PHF24: variants seen among roughly 807,000 people sequenced by gnomAD.
PHF24 encodes the protein Galpha inhibitory interacting protein.
Under a neutral mutation model 42.6 loss-of-function variants are expected in PHF24, and 25 were observed. The ratio of observed to expected loss-of-function variants is 0.59; its 90% CI spans 0.43 to 0.82. PHF24 has a LOEUF of 0.82. Ranked by LOEUF, PHF24 falls within the 40% of genes least tolerant of loss-of-function variation. PHF24 has a pLI of 0.00. For synonymous variants in PHF24, 185 were observed against 204.8 expected (o/e 0.90, Z 0.83); for missense variants, 470 against 538.1 (o/e 0.87, Z 1.25).
the PHF24 span, among the ~76,000 whole-genome samples, chr9:34,900,550 GAT>G: frequency 6.6e-6 from 1 of 152,196 alleles, no homozygotes; most frequent in Non-Finnish European, 1.5e-5. Context: ...AGTGAGCTGA[GAT>G]ATCACCACTG....
the PHF24 span, among the ~76,000 whole-genome samples, chr9:34,880,278 A>G: frequency 6.6e-6 from 1 of 152,252 alleles, no homozygotes; most frequent in African/African-American, 2.4e-5. Context: ...GATGCTAGGA[A>G]GAAACTGCAT....
the PHF24 span, among the ~76,000 whole-genome samples, chr9:34,900,873 A>G: frequency 6.6e-6 from 1 of 152,172 alleles, no homozygotes; most frequent in Non-Finnish European, 1.5e-5. Flanking sequence ...GGAAGCCCTC[A>G]TCAAATGCTG....
the PHF24 span, among the ~76,000 whole-genome samples, chr9:34,876,815 T>C: frequency 6.6e-6 from 1 of 152,208 alleles, no homozygotes; most frequent in Admixed American, 6.5e-5. Flanking sequence ...TCAGCAATTT[T>C]ACTCCTGGGT....
chr9:34,902,040 G>A, the PHF24 span, among the ~76,000 whole-genome samples: 1 of 152,082 alleles, frequency 6.6e-6, no homozygotes, highest in Non-Finnish European at 1.5e-5. Flanking sequence ...ATTAAAAACA[G>A]AATCTTCCAA....
chr9:34,977,930 C>A, intron 7 of PHF24, 85 bp from the exon 8 acceptor site: 2 of 1,060,688 alleles, frequency 1.9e-6, no homozygotes, highest in South Asian at 1.3e-5. Context: ...TTCAAACCAG[C>A]CTCCTCAAGC....
At chr9:34,858,435 C>A in the PHF24 span, among the ~76,000 whole-genome samples, 1 of 152,148 alleles carries the variant, frequency 6.6e-6, no homozygotes. Flanking sequence ...TCCATGGGGG[C>A]TGGCTCAATG....
At chr9:34,771,074 G>T in the PHF24 span, among the ~76,000 whole-genome samples, 130,822 of 152,152 alleles carry the variant, frequency 0.86, 58,649 homozygotes, top group Non-Finnish European at 0.98. Context: ...GATTGAGCCA[G>T]TGCACTCCAG....
the PHF24 span, among the ~76,000 whole-genome samples, chr9:34,700,679 A>G: frequency 6.6e-6 from 1 of 152,148 alleles, no homozygotes; most frequent in Non-Finnish European, 1.5e-5. Context: ...GAAGACACAC[A>G]TTTGGGAGTA....
At chr9:34,933,936 G>T in the PHF24 span, among the ~76,000 whole-genome samples, 3 of 151,628 alleles carry the variant, frequency 2.0e-5, no homozygotes, top group Non-Finnish European at 2.9e-5. Context: ...GTAGAGACAG[G>T]GTTTTACTAT....
the PHF24 span, among the ~76,000 whole-genome samples, chr9:34,851,738 A>G: frequency 2.0e-5 from 3 of 152,172 alleles, no homozygotes; most frequent in Non-Finnish European, 4.4e-5. Flanking sequence ...CTATTCGGTC[A>G]TCTTGGCTCC....
At chr9:34,943,561 A>T in the PHF24 span, among the ~76,000 whole-genome samples, 3 of 152,322 alleles carry the variant, frequency 2.0e-5, no homozygotes, top group African/African-American at 7.2e-5. Flanking sequence ...CAGACTGTGT[A>T]TCCAGTAGTC....
the PHF24 span, among the ~76,000 whole-genome samples, chr9:34,737,092 A>G: frequency 4.6e-5 from 7 of 152,342 alleles, 1 homozygote; most frequent in South Asian, 1.5e-3. Flanking sequence ...TGTGTAATTC[A>G]GTAGGTTTTA....
At chr9:34,694,728 C>T in the PHF24 span, among the ~76,000 whole-genome samples, 1 of 152,192 alleles carries the variant, frequency 6.6e-6, no homozygotes. Flanking sequence ...CTCGGCCTCC[C>T]AAAGTGCTGG....
the PHF24 span, among the ~76,000 whole-genome samples, chr9:34,687,067 G>A: frequency 1.3e-5 from 2 of 151,740 alleles, no homozygotes; most frequent in African/African-American, 4.8e-5. Flanking sequence ...TGGGGGGTGG[G>A]AAAAAGAGGA....
chr9:34,841,552 C>T, the PHF24 span, among the ~76,000 whole-genome samples: 4 of 152,034 alleles, frequency 2.6e-5, no homozygotes, highest in East Asian at 3.9e-4. Context: ...CAATAAGCTA[C>T]ACATATTTAA....
chr9:34,920,606 A>G, the PHF24 span, among the ~76,000 whole-genome samples: 1 of 152,124 alleles, frequency 6.6e-6, no homozygotes, highest in Admixed American at 6.5e-5. Flanking sequence ...TGGACATTTT[A>G]TCAATATTGA....
chr9:34,700,893 G>A, the PHF24 span, among the ~76,000 whole-genome samples: 2 of 152,178 alleles, frequency 1.3e-5, no homozygotes, highest in African/African-American at 4.8e-5. Context: ...GGCCCGGTGT[G>A]TGAAGTGTTT....
At chr9:34,839,718 G>T in the PHF24 span, among the ~76,000 whole-genome samples, 18 of 152,290 alleles carry the variant, frequency 1.2e-4, no homozygotes, top group East Asian at 3.1e-3. Flanking sequence ...AGGACTTTGA[G>T]TCATGTTGGC....
chr9:34,725,080 C>A, the PHF24 span: 162 of 1,551,572 alleles, frequency 1.0e-4, no homozygotes, highest in Non-Finnish European at 1.3e-4. Context: ...GTTCCAGGAA[C>A]TGGCTTTCTG....
Sources: gnomAD v4.1 joint callset for allele counts (sites outside exome capture counted in the v4.1 genomes callset) on GRCh38, gnomAD v4.1.1 for gene constraint, MANE v1.5 for transcripts, NCBI Gene and HGNC (gene_info 2026-07-23, HGNC 2026-07-21) for gene names.